The following GPBP1 variants were observed in gnomAD, a reference collection of about 807,000 sequenced individuals.
The protein encoded by GPBP1 is vasculin.
Under a neutral mutation model 56.5 loss-of-function variants are expected in GPBP1, and 13 were observed. The observed-to-expected ratio is 0.23, with a 90% CI of 0.15 to 0.37. GPBP1 has a LOEUF of 0.37. GPBP1 is among the 10% of genes least tolerant of loss of function. The probability of loss-of-function intolerance (pLI) is 1.00; values close to 1 mark genes in which losing one functional copy is unlikely to be tolerated. For synonymous variants in GPBP1, 204 were observed against 188.9 expected, an observed-to-expected ratio of 1.08 and a Z score of -0.66; for missense variants, 477 against 572.3, an observed-to-expected ratio of 0.83 and a Z score of 1.70.
chr5:57,251,238 A>C lies in GPBP1; in HGVS notation c.1160+97A>C, dbSNP rs571145468. On this transcript the variant is annotated intron_variant, in intron 10 of 11. Coordinates refer to ENST00000506184, the MANE Select transcript of GPBP1 (RefSeq NM_022913.4). ...TGATTTAACAGGTTTATTGGAATACAACTTACGCCATAAATTTCACCCATT... is the reference window on the plus strand; with the variant it reads ...TGATTTAACAGGTTTATTGGAATACCACTTACGCCATAAATTTCACCCATT... 37 of 1,001,386 alleles carry C rather than the reference A, an allele frequency of 3.7e-5. No homozygotes were observed. The African/African-American group carries it at 6.1e-4, about 16-fold the overall frequency. 62.0% of individuals were successfully genotyped at this position (1,001,386 alleles called of 1,614,324 possible).
At chr5:57,233,571 A>G (rs900006525) in intron 5 of GPBP1, among the ~76,000 whole-genome samples, 1 of 152,222 alleles carries the variant, frequency 6.6e-6, no homozygotes, top group African/African-American at 2.4e-5. Flanking sequence ...TGTATTGTAT[A>G]CTGTATTCTT....
At chr5:57,220,751 C>T (rs1232035334) in intron 3 of GPBP1, among the ~76,000 whole-genome samples, 1 of 152,150 alleles carries the variant, frequency 6.6e-6, no homozygotes, top group African/African-American at 2.4e-5. Context: ...CGAGCCACTG[C>T]ACCCCGCCCA....
intron 2 of GPBP1, among the ~76,000 whole-genome samples, chr5:57,193,044 C>T (rs879639696): frequency 3.9e-5 from 6 of 152,074 alleles, no homozygotes; most frequent in Non-Finnish European, 7.4e-5. Context: ...TGGCCGGGCA[C>T]GGTGACTCAT....
chr5:57,223,782 T>C (rs1756056527), intron 3 of GPBP1, among the ~76,000 whole-genome samples: 1 of 149,064 alleles, frequency 6.7e-6, no homozygotes, highest in South Asian at 2.1e-4. Flanking sequence ...TTTAAAATTA[T>C]ATATATAATT....
At chr5:57,227,266 C>T (rs1756238721) in intron 3 of GPBP1, among the ~76,000 whole-genome samples, 1 of 152,068 alleles carries the variant, frequency 6.6e-6, no homozygotes, top group African/African-American at 2.4e-5. Context: ...GCCGTTTCAC[C>T]ATTTTGGCCA....
intron 6 of GPBP1, among the ~76,000 whole-genome samples, chr5:57,245,105 A>C (rs1741029563): frequency 6.6e-6 from 1 of 152,156 alleles, no homozygotes; most frequent in African/African-American, 2.4e-5. Flanking sequence ...ATACTTTGGT[A>C]GTAATACTTT....
intron 3 of GPBP1, among the ~76,000 whole-genome samples, chr5:57,221,778 G>T (rs1392588410): frequency 1.3e-5 from 2 of 152,150 alleles, no homozygotes; most frequent in Non-Finnish European, 2.9e-5. Flanking sequence ...TGTAAGCAGT[G>T]TCAGCTTGCG....
intron 3 of GPBP1, among the ~76,000 whole-genome samples, chr5:57,215,389 C>CT (rs1755658296): frequency 6.6e-6 from 1 of 152,222 alleles, no homozygotes; most frequent in Admixed American, 6.5e-5. Flanking sequence ...CTTTCCCCAT[C>CT]TTTCTGTAAA....
intron 2 of GPBP1, among the ~76,000 whole-genome samples, chr5:57,190,600 A>ATTT: frequency 6.6e-6 from 1 of 150,964 alleles, no homozygotes; most frequent in Non-Finnish European, 1.5e-5. Context: ...AAAAAAAAAA[A>ATTT]GAAAAAAGCT....
intron 3 of GPBP1, among the ~76,000 whole-genome samples, chr5:57,230,184 G>A (rs929690331): frequency 6.6e-6 from 1 of 151,366 alleles, no homozygotes; most frequent in African/African-American, 2.4e-5. Flanking sequence ...CGCTTGCCTC[G>A]GCCTCCGAAA....
intron 2 of GPBP1, among the ~76,000 whole-genome samples, chr5:57,203,217 C>T (rs1005643971): frequency 6.6e-6 from 1 of 151,894 alleles, no homozygotes; most frequent in African/African-American, 2.4e-5. Flanking sequence ...GCTGAATGTA[C>T]CATATTTATG....
intron 2 of GPBP1, among the ~76,000 whole-genome samples, chr5:57,208,725 C>T (rs867024209): frequency 2.1e-5 from 3 of 146,340 alleles, no homozygotes; most frequent in South Asian, 4.3e-4. Context: ...GGCGTGATCT[C>T]GGCTCACTGC....
At chr5:57,251,184 C>A in intron 10 of GPBP1, 43 bp downstream of exon 10, 1 of 1,469,036 alleles carries the variant, frequency 6.8e-7, no homozygotes, top group Non-Finnish European at 9.2e-7. Flanking sequence ...TTTCTGTATT[C>A]GAGATTTCAA....
chr5:57,250,544 G>A (rs533029585), intron 9 of GPBP1, among the ~76,000 whole-genome samples: 96 of 142,100 alleles, frequency 6.8e-4, no homozygotes, highest in African/African-American at 2.4e-3. Flanking sequence ...GTTTATGGTT[G>A]TTGGTTTTTT....
In GPBP1 at chr5:57,247,043, A is replaced by G. The variant is rs764758541; in HGVS notation, c.664-32A>G. The G allele has an allele frequency of 7.0e-6, 11 of 1,580,686 alleles. No homozygotes were observed. The South Asian group carries it at 8.1e-5, about 12-fold the overall frequency. The stretch of plus-strand genomic sequence containing the variant: ...GTCTTTCTCCTGTAACCTGTTTTTG[A>G]TAGCCATTAATGTTTGTGTGTTTTT... On this transcript the variant is annotated intron_variant, in intron 7 of 11. Coordinates refer to ENST00000506184, the MANE Select transcript of GPBP1 (RefSeq NM_022913.4).
chr5:57,186,403 ATT>A (rs143986018), intron 2 of GPBP1, among the ~76,000 whole-genome samples: 6 of 147,312 alleles, frequency 4.1e-5, no homozygotes, highest in Non-Finnish European at 7.5e-5. Flanking sequence ...AAAAAAAAAA[ATT>A]TTTTTTTCTT....
At chr5:57,224,194 T>C (rs1299014331) in intron 3 of GPBP1, among the ~76,000 whole-genome samples, 1 of 151,812 alleles carries the variant, frequency 6.6e-6, no homozygotes, top group Non-Finnish European at 1.5e-5. Flanking sequence ...TGGCCCAGGC[T>C]GGAGTACAGT....
Position 57,246,302 on chromosome 5 carries a change from T to C in GPBP1, c.481T>C (p.Tyr161His), listed in dbSNP as rs1199524239. 11 of 1,609,822 alleles carry C rather than the reference T, an allele frequency of 6.8e-6. No homozygotes were observed. The highest frequency in any genetic ancestry group is 9.3e-6 in the Non-Finnish European group (11 of 1,177,550). ...NKSLAAGVWEYPPNPKSRAPR... is the reference protein window; with the variant it reads ...NKSLAAGVWEHPPNPKSRAPR... ...TTGGTCATGCTTTATTTATGCAGAA[T>C]ATCCTCCGAATCCTAAATCTAGAGC... The change falls in exon 7 of 12, where the codon TAT (tyrosine) becomes CAT (histidine). Residue 161 changes from tyrosine (Y) to histidine (H), a missense_variant and splice_region_variant. Physicochemically the swap from Tyr to His is moderately conservative, Grantham distance 83. Transcript: ENST00000506184.
chr5:57,221,389 G>C, intron 3 of GPBP1: 1 of 1,526,474 alleles, frequency 6.6e-7, no homozygotes, highest in South Asian at 1.2e-5. Context: ...CTGACCAGCA[G>C]TTTGAAAGTA....
Sources: allele counts gnomAD v4.1 joint callset (sites outside exome capture counted in the v4.1 genomes callset), GRCh38; gene constraint gnomAD v4.1.1; transcripts MANE v1.5; gene names NCBI Gene and HGNC (gene_info 2026-07-23, HGNC 2026-07-21).